TMEM260: variants seen among roughly 807,000 people sequenced by gnomAD.
The protein encoded by TMEM260 is protein O-mannosyl-transferase TMEM260.
Under a neutral mutation model 88.9 loss-of-function variants are expected in TMEM260, and 82 were observed. That is an observed-to-expected ratio of 0.92 (90% confidence interval 0.77 to 1.11). The LOEUF is 1.11. TMEM260 is among the 50% of genes least tolerant of loss of function. The probability of loss-of-function intolerance (pLI) is 0.00; values close to 1 mark genes in which losing one functional copy is unlikely to be tolerated. For missense variants in TMEM260, 902 were observed against 853.4 expected, an observed-to-expected ratio of 1.06 and a Z score of -0.71; for synonymous variants, 314 against 309.3, an observed-to-expected ratio of 1.02 and a Z score of -0.16.
chr14:56,592,899 CAA>C (rs1269413976), intron 3 of TMEM260, among the ~76,000 whole-genome samples: 1 of 152,084 alleles, frequency 6.6e-6, no homozygotes, highest in Non-Finnish European at 1.5e-5. Context: ...GCACTGAAGA[CAA>C]ATATATTCAT....
intron 3 of TMEM260, among the ~76,000 whole-genome samples, chr14:56,603,216 T>C (rs748244055): frequency 6.7e-6 from 1 of 150,248 alleles, no homozygotes; most frequent in Non-Finnish European, 1.5e-5. Context: ...TCTTCTTCTT[T>C]AGAAAAAAAA....
At position 56,636,554 on chromosome 14, in the gene TMEM260, A is replaced by ATGCCT. The variant is rs778552558; in HGVS notation, c.1827_1831dup (p.Ser611CysfsTer5). ...CTTTAACCTGGCAGAAACTGCTCAC[A>ATGCCT]TGCCTTCAAAAGTGAAAGCTCAACT... On this transcript the variant is annotated frameshift_variant, in exon 15 of 16. Coordinates refer to ENST00000261556, the MANE Select transcript of TMEM260 (RefSeq NM_017799.4). LOFTEE classifies it high-confidence loss of function. The ATGCCT allele has an allele frequency of 6.2e-7, 1 of 1,614,098 alleles. No individual in the cohort carries two copies. The highest frequency in any genetic ancestry group is 8.5e-7 in the Non-Finnish European group (1 of 1,179,994).
intron 15 of TMEM260, among the ~76,000 whole-genome samples, chr14:56,642,026 C>G (rs1022935428): frequency 1.3e-5 from 2 of 152,158 alleles, no homozygotes; most frequent in Admixed American, 6.5e-5. Flanking sequence ...TAGTGACCTG[C>G]AAAGAGACTT....
intron 4 of TMEM260, among the ~76,000 whole-genome samples, chr14:56,605,352 A>C (rs1482845755): frequency 6.6e-6 from 1 of 152,222 alleles, no homozygotes; most frequent in African/African-American, 2.4e-5. Flanking sequence ...ACAGTTATTT[A>C]AGATCAAATT....
At chr14:56,635,102 A>G (rs1888939111) in intron 14 of TMEM260, 150 bp downstream of exon 14, 1 of 648,796 alleles carries the variant, frequency 1.5e-6, no homozygotes, top group Non-Finnish European at 2.7e-6. Context: ...TGTACTAATC[A>G]TTATACATGA....
At position 56,583,208 on chromosome 14, in the gene TMEM260, C is replaced by G. The variant is rs538400176; in HGVS notation, c.161-1793C>G. On this transcript the variant is annotated intron_variant, in intron 1 of 15. Transcript: ENST00000261556. ...ATGGAGTAAACTATAAAATCATATCCTTTACAGTAGTTAACAAAGGGAACA... is the reference window on the plus strand; with the variant it reads ...ATGGAGTAAACTATAAAATCATATCGTTTACAGTAGTTAACAAAGGGAACA... 2.0e-5 allele frequency among the ~76,000 whole-genome samples: 3 copies of G among 152,250 alleles called. No individual in the cohort carries two copies. The South Asian group carries it at 6.2e-4, about 32-fold the overall frequency.
chr14:56,644,191 A>G (rs566995238), intron 15 of TMEM260, among the ~76,000 whole-genome samples: 21 of 152,304 alleles, frequency 1.4e-4, no homozygotes, highest in African/African-American at 5.1e-4. Context: ...AAGAGCCCAC[A>G]TTGCCAAATC....
chr14:56,593,928 C>G lies in TMEM260; in HGVS notation c.344+8016C>G, dbSNP rs528229449. ...GGTCTCGATCTCCTGACCTCATGAT[C>G]CACCCGCCTCGGCCTCCCAAAGTGC... On this transcript the variant is annotated intron_variant, in intron 3 of 15. Coordinates refer to ENST00000261556, the MANE Select transcript of TMEM260 (RefSeq NM_017799.4). Among the ~76,000 whole-genome samples, 20 of 151,144 alleles carry G rather than the reference C, an allele frequency of 1.3e-4. No individual in the cohort carries two copies. The South Asian group carries it at 4.2e-3, about 32-fold the overall frequency.
At chr14:56,641,938 G>C (rs1889625606) in intron 15 of TMEM260, among the ~76,000 whole-genome samples, 1 of 152,110 alleles carries the variant, frequency 6.6e-6, no homozygotes, top group African/African-American at 2.4e-5. Context: ...ATAGTAAAGG[G>C]ATCAATTCAA....
At position 56,647,321 on chromosome 14, in the gene TMEM260, A is replaced by T. The variant is rs1394395026; in HGVS notation, c.1948A>T (p.Met650Leu). 6.2e-7 allele frequency: 1 copy of T among 1,614,080 alleles called. No homozygotes were observed. The highest frequency in any genetic ancestry group is 1.3e-5 in the African/African-American group (1 of 74,944). The change falls in exon 16 of 16, where the codon ATG becomes TTG. Residue 650 changes from methionine to leucine, a missense_variant. Met to Leu is a conservative substitution (Grantham distance 15). Transcript: ENST00000261556. The part of the protein sequence containing the change: ...HKNYAIACER[M>L]LRLQARDADP... ...GAACTATGCCATCGCCTGTGAGCGG[A>T]TGCTGCGTCTTCAGGCAAGAGATGC... is the stretch of plus-strand genomic sequence containing the variant.
intron 1 of TMEM260, among the ~76,000 whole-genome samples, chr14:56,582,546 T>C (rs577354672): frequency 6.6e-6 from 1 of 152,318 alleles, no homozygotes; most frequent in Non-Finnish European, 1.5e-5. Context: ...TAGTTTGTAT[T>C]GCAGACAACA....
At chr14:56,645,028 A>G (rs55699799) in intron 15 of TMEM260, among the ~76,000 whole-genome samples, 5,806 of 150,956 alleles carry the variant, frequency 0.038, 385 homozygotes, top group African/African-American at 0.13. Flanking sequence ...AAATAGGAAC[A>G]CTTTTACACT....
At chr14:56,626,409 C>T (rs1888247895) in intron 12 of TMEM260, among the ~76,000 whole-genome samples, 1 of 152,070 alleles carries the variant, frequency 6.6e-6, no homozygotes, top group Non-Finnish European at 1.5e-5. Flanking sequence ...GAATTCAATC[C>T]CACAAGCATT....
rs767884944 is a variant in TMEM260 at position 56,585,812 on chromosome 14, A to G, written c.244A>G (p.Ile82Val). Reference protein sequence around the residue: ...PLFTLVAKLAITLFPFGSIAY... With the variant: ...PLFTLVAKLAVTLFPFGSIAY... ...GTTCACGCTGGTGGCTAAACTGGCA[A>G]TTACACTGTTTCCTTTTGGTTCAAT... The change falls in exon 3 of 16, where the codon ATT becomes GTT. Residue 82 changes from isoleucine to valine, a missense_variant. Transcript: ENST00000261556. 17 of 1,613,248 alleles carry G rather than the reference A, an allele frequency of 1.1e-5. No individual in the cohort carries two copies. The highest frequency in any genetic ancestry group is 2.2e-5 in the East Asian group (1 of 44,860).
At chr14:56,592,395 A>C (rs1885921611) in intron 3 of TMEM260, among the ~76,000 whole-genome samples, 1 of 152,200 alleles carries the variant, frequency 6.6e-6, no homozygotes, top group Non-Finnish European at 1.5e-5. Flanking sequence ...TGGCCTCATT[A>C]TAATTTTCCC....
At chr14:56,621,387 A>C (rs1286470589) in intron 10 of TMEM260, 144 bp from the exon 11 acceptor site, 7 of 589,780 alleles carry the variant, frequency 1.2e-5, no homozygotes, top group Non-Finnish European at 1.9e-5. Context: ...TTCTCTCTTC[A>C]AATATACATA....
the TMEM260 span, among the ~76,000 whole-genome samples, chr14:56,657,707 C>T: frequency 3.3e-5 from 5 of 152,226 alleles, no homozygotes; most frequent in African/African-American, 1.2e-4. Context: ...TACCACCACC[C>T]TCTCAACCCA....
chr14:56,652,045 C>T (rs1450692716), downstream of TMEM260, among the ~76,000 whole-genome samples: 1 of 152,180 alleles, frequency 6.6e-6, no homozygotes, highest in Non-Finnish European at 1.5e-5. Context: ...TTGAAGATAT[C>T]TTTAATACCA....
At chr14:56,580,244 A>T (rs1242669306) in intron 1 of TMEM260, among the ~76,000 whole-genome samples, 170 bp downstream of exon 1, 1 of 152,100 alleles carries the variant, frequency 6.6e-6, no homozygotes, top group Non-Finnish European at 1.5e-5. Flanking sequence ...TTCTGTTTCC[A>T]TTCCTGTCGT....
Sources: allele counts gnomAD v4.1 joint callset (sites outside exome capture counted in the v4.1 genomes callset), GRCh38; gene constraint gnomAD v4.1.1; transcripts MANE v1.5; gene names NCBI Gene and HGNC (gene_info 2026-07-23, HGNC 2026-07-21).